The following CHD4 variants were observed in gnomAD, a reference collection of about 807,000 sequenced individuals.
The protein encoded by CHD4 is ATP-dependent chromatin remodeler CHD4.
In CHD4, 35 loss-of-function variants were observed where a neutral mutation model predicts 235.5. That is an observed-to-expected ratio of 0.15 (90% confidence interval 0.11 to 0.20). The LOEUF (loss-of-function observed/expected upper bound fraction) is 0.20. Among genes scored for constraint, CHD4 ranks in the 10% least tolerant of loss-of-function variants. The pLI is 1.00. For missense variants in CHD4, 1,329 were observed against 2,432.3 expected (o/e 0.55, Z 9.54); for synonymous variants, 900 against 850.2 (o/e 1.06, Z -1.02).
chr12:6,605,841 C>A (rs950776666), intron 2 of CHD4, among the ~76,000 whole-genome samples: 2 of 152,180 alleles, frequency 1.3e-5, no homozygotes, highest in Admixed American at 6.5e-5. Context: ...CCAGCACTCC[C>A]TCTTTCCTTT....
At chr12:6,606,214 G>T in intron 2 of CHD4, 60 bp downstream of exon 2, 1 of 1,154,968 alleles carries the variant, frequency 8.7e-7, no homozygotes, top group South Asian at 1.4e-5. Context: ...CACCAGAGGA[G>T]TCACTCGGGA....
chr12:6,586,171 G>C (rs981794304), intron 25 of CHD4, among the ~76,000 whole-genome samples: 1 of 151,798 alleles, frequency 6.6e-6, no homozygotes, highest in African/African-American at 2.4e-5. Context: ...GGCAGAGGTG[G>C]GTGGATCACA....
At chr12:6,585,003 T>C (rs930884187) in intron 25 of CHD4, among the ~76,000 whole-genome samples, 6 of 151,820 alleles carry the variant, frequency 4.0e-5, no homozygotes, top group African/African-American at 1.5e-4. Context: ...GAGAACAAAA[T>C]CACAGGTAAG....
At chr12:6,586,822 C>T (rs11064270) in intron 25 of CHD4, 4,701 of 152,426 alleles carry the variant, frequency 0.031, 272 homozygotes, top group East Asian at 0.26. Flanking sequence ...CTCAGCCTCC[C>T]GAACACCTGG....
intron 12 of CHD4, among the ~76,000 whole-genome samples, chr12:6,597,578 G>A (rs7308584): frequency 0.27 from 41,250 of 152,010 alleles, 6,994 homozygotes; most frequent in African/African-American, 0.49. Context: ...AGCCTGGCCA[G>A]CAGAATGAAA....
intron 23 of CHD4, among the ~76,000 whole-genome samples, 173 bp downstream of exon 23, chr12:6,588,125 A>T (rs1419732514): frequency 6.6e-6 from 1 of 152,226 alleles, no homozygotes; most frequent in Non-Finnish European, 1.5e-5. Context: ...ATGTTACCCA[A>T]AATAGGATCA....
Position 6,573,223 on chromosome 12 carries a change from G to A in CHD4, c.5408C>T (p.Ala1803Val). The change falls in exon 38 of 40, where the codon GCT becomes GTT. Residue 1803 changes from alanine to valine, a missense_variant. By Grantham distance (64) the Ala-to-Val change is moderately conservative. Transcript: ENST00000544040. ...AGGGTCTTCTGACATGTTCAAGTAAGCAGCCCGGCGCAGCTGTTCCTCAAT... is the reference window on the plus strand; with the variant it reads ...AGGGTCTTCTGACATGTTCAAGTAAACAGCCCGGCGCAGCTGTTCCTCAAT... ...LVIEEQLRRA[A>V]YLNMSEDPSH... The A allele has an allele frequency of 1.3e-6, 2 of 1,584,510 alleles. No individual in the cohort carries two copies. Among genetic ancestry groups the A allele is most frequent in the Admixed American group, 1.9e-5 (1 of 51,964 alleles).
At chr12:6,575,427 G>C (rs1948052713) in intron 37 of CHD4, among the ~76,000 whole-genome samples, 1 of 146,540 alleles carries the variant, frequency 6.8e-6, no homozygotes, top group African/African-American at 2.6e-5. Context: ...TCCAGCCTGG[G>C]CAACTGAGTA....
At position 6,585,753 on chromosome 12, in the gene CHD4, C is replaced by T. The variant is rs556828225; in HGVS notation, c.3879+1631G>A. On this transcript the variant is annotated intron_variant, in intron 25 of 39. Coordinates refer to ENST00000544040, the MANE Select transcript of CHD4 (RefSeq NM_001273.5). ...GCAGTGAGCCGAGATCATGCCACTG[C>T]ACTCCAGCCTGGGCGGGAAAGCAAG... Among the ~76,000 whole-genome samples the T allele has an allele frequency of 5.3e-5, 8 of 150,138 alleles. No homozygotes were observed. The East Asian group carries it at 1.6e-3, about 30-fold the overall frequency.
intron 2 of CHD4, among the ~76,000 whole-genome samples, chr12:6,605,644 C>T (rs368599010): frequency 6.6e-6 from 1 of 152,164 alleles, no homozygotes; most frequent in East Asian, 1.9e-4. Flanking sequence ...TTTTGCCCCT[C>T]TTCACTAGGC....
In CHD4 at chr12:6,602,143, G is replaced by A. The variant is rs765725275; in HGVS notation, c.255C>T (p.Ser85=). ...RMLLCRQLGD[S]SGEGPEFVEE... is the part of the protein sequence containing the mutation. ...CCACAAACTCTGGCCCCTCCCCAGA[G>A]CTGTCCCCCAGCTGCCGGCATAAGA... Residue 85 remains serine, a synonymous_variant, in exon 4 of 40, where the codon AGC becomes AGT. Transcript: ENST00000544040. 1.2e-6 allele frequency: 2 copies of A among 1,613,912 alleles called. No homozygotes were observed. Among genetic ancestry groups the A allele is most frequent in the South Asian group, 2.2e-5 (2 of 91,074 alleles).
intron 1 of CHD4, 181 bp downstream of exon 1, chr12:6,607,119 G>A (rs1236769189): frequency 6.6e-6 from 1 of 152,448 alleles, no homozygotes; most frequent in East Asian, 1.9e-4. Context: ...GCAGGGTTAG[G>A]GCGGGGGCTG....
intron 22 of CHD4, among the ~76,000 whole-genome samples, chr12:6,589,227 C>A (rs1948351038): frequency 1.3e-5 from 2 of 152,070 alleles, no homozygotes; most frequent in African/African-American, 4.8e-5. Flanking sequence ...TAGGCAAACA[C>A]CACAGTAATA....
intron 9 of CHD4, 98 bp downstream of exon 9, chr12:6,600,119 A>G (rs1285138020): frequency 6.4e-7 from 1 of 1,568,860 alleles, no homozygotes; most frequent in Admixed American, 1.7e-5. Flanking sequence ...CACAACCCGC[A>G]GCACCAGCAT....
chr12:6,580,824 T>C, intron 33 of CHD4: 2 of 527,786 alleles, frequency 3.8e-6, no homozygotes, highest in Admixed American at 3.3e-5. Flanking sequence ...CTGGCCAACA[T>C]GGTGAAACCC....
intron 4 of CHD4, 87 bp downstream of exon 4, chr12:6,601,873 G>T: frequency 6.4e-7 from 1 of 1,568,180 alleles, no homozygotes; most frequent in South Asian, 1.1e-5. Flanking sequence ...GAAAAGAAGA[G>T]AAAGTGTTCT....
In CHD4 at chr12:6,581,738, G is replaced by T; in HGVS notation, c.4592C>A (p.Ser1531Tyr). The T allele has an allele frequency of 6.2e-7, 1 of 1,602,432 alleles. No homozygotes were observed. Among genetic ancestry groups the T allele is most frequent in the Admixed American group, 1.7e-5 (1 of 58,938 alleles). ...TTTTGGGGAGGGTGACCCTGGCTGGGACATCTTCTTGTTTTCCTCCACCTC... is the reference window on the plus strand; with the variant it reads ...TTTTGGGGAGGGTGACCCTGGCTGGTACATCTTCTTGTTTTCCTCCACCTC... Reference protein sequence around the residue: ...LAEVEENKKMSQPGSPSPKTP... With the variant: ...LAEVEENKKMYQPGSPSPKTP... Residue 1531 changes from serine (S) to tyrosine (Y), a missense_variant, in exon 31 of 40, where the codon TCC becomes TAC. This residue lies in a region of CHD4 where 219 missense variants were observed against 219.3 expected (regional missense o/e 1.00). Transcript: ENST00000544040.
intron 10 of CHD4, 118 bp from the exon 11 acceptor site, chr12:6,598,543 G>T: frequency 1.2e-6 from 1 of 862,618 alleles, no homozygotes. Flanking sequence ...TGGAGCAGTG[G>T]CTCATGCCTG....
intron 7 of CHD4, 104 bp downstream of exon 7, chr12:6,600,822 C>A: frequency 6.6e-7 from 1 of 1,511,610 alleles, no homozygotes; most frequent in Non-Finnish European, 8.9e-7. Flanking sequence ...TGGGAAACGC[C>A]CCACATTCTT....
Sources: gnomAD v4.1 joint callset for allele counts (sites outside exome capture counted in the v4.1 genomes callset) on GRCh38, gnomAD v4.1.1 for gene constraint, gnomAD v4.1.1 regional missense constraint, MANE v1.5 for transcripts, NCBI Gene and HGNC (gene_info 2026-07-23, HGNC 2026-07-21) for gene names.